ATP6V1H: variants seen among roughly 807,000 people sequenced by gnomAD.
ATP6V1H encodes ATPase H+ transporting V1 subunit H.
In ATP6V1H, 39 loss-of-function variants were observed where a neutral mutation model predicts 71.7. The observed-to-expected ratio is 0.54, with a 90% CI of 0.42 to 0.71. ATP6V1H has a LOEUF of 0.71. Among genes scored for constraint, ATP6V1H ranks in the 30% least tolerant of loss-of-function variants. The pLI is 0.00. For missense variants in ATP6V1H, 509 were observed against 594.9 expected, an observed-to-expected ratio of 0.86 and a Z score of 1.50; for synonymous variants, 192 against 199.3, an observed-to-expected ratio of 0.96 and a Z score of 0.31.
At chr8:53,787,185 C>T (rs1230391198) in intron 9 of ATP6V1H, among the ~76,000 whole-genome samples, 1 of 152,186 alleles carries the variant, frequency 6.6e-6, no homozygotes, top group Non-Finnish European at 1.5e-5. Context: ...AAAGGACTCA[C>T]CCCAAAATTT....
At chr8:53,762,347 AG>A (rs919714910) in intron 11 of ATP6V1H, among the ~76,000 whole-genome samples, 29 of 152,332 alleles carry the variant, frequency 1.9e-4, no homozygotes, top group African/African-American at 6.7e-4. Flanking sequence ...ACATGAATGA[AG>A]GGATATACTA....
At chr8:53,730,700 T>G (rs1019171352) in intron 13 of ATP6V1H, among the ~76,000 whole-genome samples, 1 of 152,302 alleles carries the variant, frequency 6.6e-6, no homozygotes, top group East Asian at 1.9e-4. Context: ...AAATGCAGCA[T>G]AATGTCAAAG....
At chr8:53,743,716 G>C (rs1247662093) in intron 12 of ATP6V1H, 26 bp from the exon 13 acceptor site, 2 of 1,533,984 alleles carry the variant, frequency 1.3e-6, no homozygotes, top group East Asian at 2.3e-5. Flanking sequence ...ACGTGGTGAG[G>C]AAGATGCAAT....
chr8:53,789,488 GA>G (rs571075877), intron 9 of ATP6V1H, among the ~76,000 whole-genome samples: 1 of 151,428 alleles, frequency 6.6e-6, no homozygotes, highest in Non-Finnish European at 1.5e-5. Context: ...GTCTCAAAAA[GA>G]AAAAAAATTA....
At chr8:53,823,228 T>A (rs1810718003) in intron 4 of ATP6V1H, among the ~76,000 whole-genome samples, 1 of 152,194 alleles carries the variant, frequency 6.6e-6, no homozygotes, top group African/African-American at 2.4e-5. Flanking sequence ...TTTATAAAAT[T>A]GATCATATAC....
intron 11 of ATP6V1H, among the ~76,000 whole-genome samples, chr8:53,758,177 AC>A (rs1347982783): frequency 7.9e-5 from 12 of 152,266 alleles, no homozygotes; most frequent in Non-Finnish European, 1.6e-4. Context: ...TTCTAAAATT[AC>A]ATTAAATTTA....
intron 13 of ATP6V1H, among the ~76,000 whole-genome samples, chr8:53,731,163 G>T (rs1245092370): frequency 6.6e-6 from 1 of 151,924 alleles, no homozygotes; most frequent in Non-Finnish European, 1.5e-5. Context: ...AGTCCTCCTG[G>T]TACCCCAGCC....
At chr8:53,735,245 T>C (rs192805450) in intron 13 of ATP6V1H, among the ~76,000 whole-genome samples, 2 of 152,302 alleles carry the variant, frequency 1.3e-5, no homozygotes, top group African/African-American at 2.4e-5. Context: ...GCTTATCCAA[T>C]ACAAACTGAA....
chr8:53,838,018 C>T (rs868099188), intron 2 of ATP6V1H, among the ~76,000 whole-genome samples: 1 of 152,278 alleles, frequency 6.6e-6, no homozygotes, highest in Middle Eastern at 3.4e-3. Flanking sequence ...CACTGAACTA[C>T]CTGAAGCTCC....
intron 11 of ATP6V1H, 103 bp downstream of exon 11, chr8:53,769,515 A>T: frequency 1.7e-6 from 2 of 1,210,096 alleles, no homozygotes; most frequent in Non-Finnish European, 2.3e-6. Flanking sequence ...GAAAATACAA[A>T]TTAAAACCAT....
intron 9 of ATP6V1H, among the ~76,000 whole-genome samples, chr8:53,783,387 T>C (rs1364572786): frequency 1.3e-5 from 2 of 152,230 alleles, no homozygotes; most frequent in Non-Finnish European, 2.9e-5. Flanking sequence ...TCGGTGGTGA[T>C]ATCACCTTTA....
intron 13 of ATP6V1H, among the ~76,000 whole-genome samples, chr8:53,728,721 T>G (rs964525597): frequency 6.6e-5 from 10 of 152,160 alleles, no homozygotes; most frequent in African/African-American, 2.4e-4. Flanking sequence ...CCTGCCTTCC[T>G]CCTCCTCATC....
chr8:53,769,597 A>G, intron 11 of ATP6V1H, 21 bp downstream of exon 11: 1 of 1,606,802 alleles, frequency 6.2e-7, no homozygotes, highest in Non-Finnish European at 8.5e-7. Flanking sequence ...TTAAGAGTGT[A>G]AAGTAGAACA....
At chr8:53,743,168 T>G (rs2130184510) in intron 13 of ATP6V1H, among the ~76,000 whole-genome samples, 1 of 152,352 alleles carries the variant, frequency 6.6e-6, no homozygotes, top group South Asian at 2.1e-4. Flanking sequence ...CTAAGTTGAT[T>G]TATCAGCTTT....
intron 13 of ATP6V1H, among the ~76,000 whole-genome samples, chr8:53,731,824 A>G (rs1807035502): frequency 6.6e-6 from 1 of 152,256 alleles, no homozygotes; most frequent in South Asian, 2.1e-4. Flanking sequence ...TGCCCTCTGG[A>G]GCATCCCTGG....
chr8:53,782,710 C>T (rs1230032455), intron 9 of ATP6V1H, among the ~76,000 whole-genome samples: 5 of 152,104 alleles, frequency 3.3e-5, no homozygotes, highest in African/African-American at 7.2e-5. Flanking sequence ...TTTTGAGATA[C>T]GTCCCATCAA....
chr8:53,838,790 T>C (rs1811254173), intron 2 of ATP6V1H, among the ~76,000 whole-genome samples: 1 of 151,108 alleles, frequency 6.6e-6, no homozygotes, highest in Admixed American at 6.6e-5. Context: ...AACATATTAA[T>C]TTGTGAAGAA....
chr8:53,782,489 A>T (rs1809187567), intron 9 of ATP6V1H, among the ~76,000 whole-genome samples: 1 of 152,086 alleles, frequency 6.6e-6, no homozygotes, highest in Non-Finnish European at 1.5e-5. Flanking sequence ...ATCTGCAAAC[A>T]GGGACAATTT....
At chr8:53,729,819 G>A (rs1349690825) in intron 13 of ATP6V1H, among the ~76,000 whole-genome samples, 3 of 152,188 alleles carry the variant, frequency 2.0e-5, no homozygotes, top group Non-Finnish European at 4.4e-5. Flanking sequence ...AGTCCTCTGA[G>A]GAATGGGCCT....
Sources: gnomAD v4.1 joint callset for allele counts (sites outside exome capture counted in the v4.1 genomes callset) on GRCh38, gnomAD v4.1.1 for gene constraint, MANE v1.5 for transcripts, NCBI Gene and HGNC (gene_info 2026-07-23, HGNC 2026-07-21) for gene names.